The following AFF3 variants were observed in gnomAD, a reference collection of about 807,000 sequenced individuals.
AFF3 encodes the protein AF4/FMR2 family member 3.
A neutral mutation model predicts 129.7 loss-of-function variants in AFF3; 32 were observed. That is an observed-to-expected ratio of 0.25 (90% confidence interval 0.19 to 0.33). The LOEUF (loss-of-function observed/expected upper bound fraction) is 0.33. Among genes scored for constraint, AFF3 ranks in the 10% least tolerant of loss-of-function variants. The pLI is 1.00. For missense variants in AFF3, 1,373 were observed against 1,592.0 expected (o/e 0.86, Z 2.34); for synonymous variants, 644 against 635.4 (o/e 1.01, Z -0.20).
chr2:99,883,270 T>C (rs1275360113), intron 7 of AFF3, among the ~76,000 whole-genome samples: 3 of 152,150 alleles, frequency 2.0e-5, no homozygotes, highest in Non-Finnish European at 4.4e-5. Flanking sequence ...TATAAAACCT[T>C]TCAAGTATAA....
chr2:100,029,399 C>T (rs1684304014), intron 4 of AFF3, among the ~76,000 whole-genome samples: 1 of 152,136 alleles, frequency 6.6e-6, no homozygotes, highest in Non-Finnish European at 1.5e-5. Context: ...AACTGGCCAC[C>T]ACCTTGATCA....
At chr2:99,818,051 T>C (rs1687378788) in intron 8 of AFF3, among the ~76,000 whole-genome samples, 1 of 152,210 alleles carries the variant, frequency 6.6e-6, no homozygotes, top group Non-Finnish European at 1.5e-5. Context: ...AGGGACTGAA[T>C]ATAATTTAAA....
intron 7 of AFF3, among the ~76,000 whole-genome samples, chr2:99,865,408 C>G (rs1691317187): frequency 6.6e-6 from 1 of 152,140 alleles, no homozygotes; most frequent in Non-Finnish European, 1.5e-5. Context: ...TTTACATGAG[C>G]ATGGAAGGTC....
At position 99,569,207 on chromosome 2, in the gene AFF3, G is replaced by A. The variant is rs190990599; in HGVS notation, c.2919-292C>T. 4.6e-5 allele frequency among the ~76,000 whole-genome samples: 7 copies of A among 151,436 alleles called. No individual in the cohort carries two copies. The East Asian group carries it at 1.4e-3, about 29-fold the overall frequency. ...TGTGAATATATTTTTTTATTGTATG[G>A]TTAAAAAAAAAGCGAGAAATCTTAT... On this transcript the variant is annotated intron_variant, in intron 18 of 24. Transcript: ENST00000672756.
intron 13 of AFF3, among the ~76,000 whole-genome samples, chr2:99,621,771 T>C (rs2105310053): frequency 6.6e-6 from 1 of 152,270 alleles, no homozygotes; most frequent in East Asian, 1.9e-4. Context: ...GCAGGAATTC[T>C]TGGAGGAAGT....
At chr2:100,047,438 T>C (rs912025827) in intron 4 of AFF3, among the ~76,000 whole-genome samples, 1 of 152,220 alleles carries the variant, frequency 6.6e-6, no homozygotes, top group Non-Finnish European at 1.5e-5. Context: ...ACTCGGTAAA[T>C]GCTGAGTCTT....
intron 7 of AFF3, among the ~76,000 whole-genome samples, chr2:99,933,102 A>G (rs935681531): frequency 1.3e-5 from 2 of 152,222 alleles, no homozygotes; most frequent in African/African-American, 4.8e-5. Context: ...AAGGTGGTGC[A>G]GAAAGGCTGA....
At chr2:99,977,139 G>A (rs1009674531) in intron 7 of AFF3, among the ~76,000 whole-genome samples, 4 of 152,162 alleles carry the variant, frequency 2.6e-5, no homozygotes, top group Admixed American at 2.6e-4. Flanking sequence ...GAGATGGCTT[G>A]GATGTGGCTT....
chr2:99,602,962 G>A (rs747188832), intron 13 of AFF3, among the ~76,000 whole-genome samples: 2 of 152,190 alleles, frequency 1.3e-5, no homozygotes, highest in African/African-American at 2.4e-5. Context: ...CTCTTGGAAC[G>A]GCAGGGTTAG....
At chr2:99,941,732 A>T (rs1315032763) in intron 7 of AFF3, among the ~76,000 whole-genome samples, 2 of 152,208 alleles carry the variant, frequency 1.3e-5, no homozygotes, top group Non-Finnish European at 2.9e-5. Flanking sequence ...CCTATCAGGA[A>T]TAGAGACACG....
intron 13 of AFF3, among the ~76,000 whole-genome samples, chr2:99,613,446 A>C (rs1420031238): frequency 6.6e-6 from 1 of 152,088 alleles, no homozygotes; most frequent in Non-Finnish European, 1.5e-5. Context: ...TTCTTTTGTC[A>C]ATTTTTGAAT....
chr2:99,772,459 C>T (rs1250340637), intron 8 of AFF3, among the ~76,000 whole-genome samples: 1 of 152,182 alleles, frequency 6.6e-6, no homozygotes, highest in Non-Finnish European at 1.5e-5. Flanking sequence ...AATTGCCTGG[C>T]TATGTTCAGC....
intron 7 of AFF3, among the ~76,000 whole-genome samples, chr2:99,925,066 C>T (rs941672235): frequency 2.0e-5 from 3 of 151,838 alleles, no homozygotes; most frequent in Non-Finnish European, 4.4e-5. Flanking sequence ...TTTGTAGAGA[C>T]AGGGTCTTAC....
intron 4 of AFF3, among the ~76,000 whole-genome samples, chr2:100,051,040 C>A (rs1206282554): frequency 6.6e-6 from 1 of 152,206 alleles, no homozygotes; most frequent in African/African-American, 2.4e-5. Flanking sequence ...AGCTTTCCAG[C>A]AACCTATGTC....
At chr2:99,679,246 T>C (rs1429570221) in intron 11 of AFF3, among the ~76,000 whole-genome samples, 3 of 152,162 alleles carry the variant, frequency 2.0e-5, no homozygotes, top group African/African-American at 7.2e-5. Flanking sequence ...CTGGACTCCC[T>C]CCCTCCCGGG....
intron 13 of AFF3, among the ~76,000 whole-genome samples, chr2:99,610,122 T>C (rs1680777096): frequency 6.6e-6 from 1 of 152,196 alleles, no homozygotes. Context: ...TTTCCACTGC[T>C]TACCAGCCTT....
intron 9 of AFF3, 59 bp from the exon 10 acceptor site, chr2:99,744,199 A>G: frequency 1.3e-6 from 2 of 1,488,132 alleles, no homozygotes; most frequent in Admixed American, 3.5e-5. Flanking sequence ...ATCCAAGTTA[A>G]ACATGAGATC....
chr2:99,650,849 T>C (rs563760320), intron 12 of AFF3, among the ~76,000 whole-genome samples: 3 of 148,150 alleles, frequency 2.0e-5, no homozygotes, highest in East Asian at 4.0e-4. Flanking sequence ...TTTCCCATAA[T>C]AAAAAAACTA....
At chr2:99,979,094 A>C (rs559824184) in intron 7 of AFF3, among the ~76,000 whole-genome samples, 1 of 141,886 alleles carries the variant, frequency 7.0e-6, no homozygotes, top group Middle Eastern at 3.5e-3. Context: ...TAAATAGGGC[A>C]TATTGTATTA....
Sources: gnomAD v4.1 joint callset for allele counts (sites outside exome capture counted in the v4.1 genomes callset) on GRCh38, gnomAD v4.1.1 for gene constraint, MANE v1.5 for transcripts, NCBI Gene and HGNC (gene_info 2026-07-23, HGNC 2026-07-21) for gene names.